RAB11FIP3: variants seen among roughly 807,000 people sequenced by gnomAD.
RAB11FIP3 encodes RAB11 family interacting protein 3, also known as rab11 family-interacting protein 3.
Under a neutral mutation model 77.8 loss-of-function variants are expected in RAB11FIP3, and 17 were observed. The observed-to-expected ratio is 0.22, with a 90% CI of 0.15 to 0.33. The LOEUF (loss-of-function observed/expected upper bound fraction) is 0.33. RAB11FIP3 is among the 10% of genes least tolerant of loss of function. The pLI, the probability that RAB11FIP3 is intolerant of heterozygous loss-of-function variation, is 1.00. For missense variants in RAB11FIP3, 1,005 were observed against 1,011.2 expected (o/e 0.99, Z 0.08); for synonymous variants, 437 against 448.2 (o/e 0.98, Z 0.31).
At chr16:458,958 A>G (rs532232285) in intron 1 of RAB11FIP3, among the ~76,000 whole-genome samples, 141 of 152,306 alleles carry the variant, frequency 9.3e-4, no homozygotes, top group African/African-American at 3.3e-3. Context: ...ACGTGCAGGC[A>G]TGCCTCTGGT....
At chr16:436,241 G>T (rs973993805) in intron 1 of RAB11FIP3, among the ~76,000 whole-genome samples, 32 of 152,118 alleles carry the variant, frequency 2.1e-4, no homozygotes, top group African/African-American at 7.7e-4. Flanking sequence ...TCCGAGAGGC[G>T]GAGGTTACAG....
rs968936649 is a variant in RAB11FIP3, at chr16:477,145, T to C, written c.904-5380T>C. Among the ~76,000 whole-genome samples, 11 of 150,794 alleles carry C rather than the reference T, an allele frequency of 7.3e-5. No individual in the cohort carries two copies. In the East Asian group the frequency reaches 2.0e-3, roughly 27 times the overall value. The stretch of plus-strand genomic sequence containing the variant: ...GGCAGGCGCCTGTAATCCCTGCTAC[T>C]TGGGAGGCTGAGGCAGGAGAATCGC... On this transcript the variant is annotated intron_variant, in intron 3 of 13. Coordinates refer to ENST00000262305, the MANE Select transcript of RAB11FIP3 (RefSeq NM_014700.4).
chr16:510,514 G>A (rs2032090883), intron 8 of RAB11FIP3, 146 bp from the exon 9 acceptor site: 2 of 939,778 alleles, frequency 2.1e-6, no homozygotes, highest in Non-Finnish European at 3.1e-6. Flanking sequence ...GAACTGCCTT[G>A]ACCAGAGCTC....
intron 4 of RAB11FIP3, among the ~76,000 whole-genome samples, chr16:488,225 A>G (rs545829169): frequency 3.7e-4 from 56 of 152,112 alleles, no homozygotes; most frequent in South Asian, 1.2e-3. Flanking sequence ...CTAAAAATAC[A>G]AAAAATTAGC....
In RAB11FIP3 at chr16:521,361, C is replaced by A; in HGVS notation, c.*522C>A. The A allele has an allele frequency of 6.4e-6, 1 of 157,044 alleles. No homozygotes were observed. The highest frequency in any genetic ancestry group is 1.4e-5 in the Non-Finnish European group (1 of 70,708). 9.7% of individuals were successfully genotyped at this position (157,044 alleles called of 1,614,324 possible). A position where few individuals can be genotyped will look rare whatever the true frequency, so the allele number is the denominator to read the frequency against. ...TGGTGCCGTGTCACCCATGTTGAGC[C>A]GCTCCTGATGGCTGACGGGCTCCCA... On this transcript the variant is annotated 3_prime_UTR_variant, in exon 14 of 14. Transcript: ENST00000262305.
chr16:511,016 C>T (rs1474523261), intron 9 of RAB11FIP3, among the ~76,000 whole-genome samples: 1 of 145,498 alleles, frequency 6.9e-6, no homozygotes, highest in East Asian at 2.1e-4. Flanking sequence ...CCCGAAAGTC[C>T]GCCAACCCCA....
intron 2 of RAB11FIP3, among the ~76,000 whole-genome samples, chr16:465,663 G>T (rs1408057678): frequency 2.0e-5 from 3 of 152,164 alleles, no homozygotes; most frequent in Non-Finnish European, 2.9e-5. Context: ...AGGCTAGAGT[G>T]CAGTGGTGTG....
At chr16:493,887 A>G (rs1273613204) in intron 5 of RAB11FIP3, among the ~76,000 whole-genome samples, 3 of 130,274 alleles carry the variant, frequency 2.3e-5, no homozygotes, top group Non-Finnish European at 3.2e-5. Context: ...CACTGCACCC[A>G]GCCTGCCTGG....
chr16:488,019 A>G (rs866506398), intron 4 of RAB11FIP3, among the ~76,000 whole-genome samples: 1 of 151,028 alleles, frequency 6.6e-6, no homozygotes, highest in Non-Finnish European at 1.5e-5. Flanking sequence ...AGGGCACACG[A>G]GTGAGGAGTG....
intron 5 of RAB11FIP3, chr16:489,216 C>T: frequency 1.6e-6 from 1 of 617,736 alleles, no homozygotes. Flanking sequence ...GATCACTCTA[C>T]ATTTCTGAGG....
intron 1 of RAB11FIP3, among the ~76,000 whole-genome samples, chr16:437,604 A>G (rs1415049937): frequency 6.7e-6 from 1 of 150,028 alleles, no homozygotes; most frequent in African/African-American, 2.4e-5. Context: ...TCAGATGGAT[A>G]TTGAATCTCC....
At chr16:490,606 G>A (rs763749619) in intron 5 of RAB11FIP3, among the ~76,000 whole-genome samples, 1 of 152,192 alleles carries the variant, frequency 6.6e-6, no homozygotes, top group African/African-American at 2.4e-5. Flanking sequence ...TTAGAAGCAG[G>A]AGCCACCATG....
Position 426,258 on chromosome 16 carries a change from C to T in RAB11FIP3, c.252C>T (p.Asp84=), listed in dbSNP as rs1005357158. 2.6e-6 allele frequency: 3 copies of T among 1,163,700 alleles called. No individual in the cohort carries two copies. Among genetic ancestry groups the T allele is most frequent in the Middle Eastern group, 3.5e-4 (1 of 2,848 alleles). 72.1% of individuals were successfully genotyped at this position (1,163,700 alleles called of 1,614,324 possible). The change falls in exon 1 of 14, where the codon GAC becomes GAT. Residue 84 remains aspartate (D), a synonymous_variant. Coordinates refer to ENST00000262305, the MANE Select transcript of RAB11FIP3 (RefSeq NM_014700.4). The surrounding 1 kb of genome is among the most constrained non-coding windows in gnomAD (Gnocchi z 5.0). ...CGGGGCTGGAGGGAGGCCCGCGAGA[C>T]CCCGGGCCGTCCGCCCCGCCGCCGC... ...PAPGLEGGPR[D]PGPSAPPPRS...
intron 1 of RAB11FIP3, among the ~76,000 whole-genome samples, chr16:428,362 C>A (rs951827519): frequency 2.0e-5 from 3 of 152,122 alleles, no homozygotes; most frequent in Non-Finnish European, 4.4e-5. Context: ...TTCCTTCTTG[C>A]CCCTGGGCTG....
chr16:450,603 C>A (rs1418815569), intron 1 of RAB11FIP3, among the ~76,000 whole-genome samples: 1 of 152,180 alleles, frequency 6.6e-6, no homozygotes, highest in East Asian at 1.9e-4. Flanking sequence ...ACTGCAGCGG[C>A]TAGCAGGGCT....
At chr16:478,936 G>A (rs975572144) in intron 3 of RAB11FIP3, among the ~76,000 whole-genome samples, 1 of 152,212 alleles carries the variant, frequency 6.6e-6, no homozygotes, top group African/African-American at 2.4e-5. Context: ...CTGCACTCCA[G>A]CCTGGGTGAC....
At position 506,165 on chromosome 16, in the gene RAB11FIP3, T is replaced by G. The variant is rs567260761; in HGVS notation, c.1499+538T>G. ...TGACGCCGTGTTTGCAGAGAAAGAG[T>G]GGGAGCTGCTTGCCTCACTCTGGTT... On this transcript the variant is annotated intron_variant, in intron 8 of 13. Transcript: ENST00000262305. This position sits in a 1 kb window ranked among gnomAD's most constrained non-coding sequence, Gnocchi z 4.5. Among the ~76,000 whole-genome samples, 1 of 150,940 alleles carries G rather than the reference T, an allele frequency of 6.6e-6. No individual in the cohort carries two copies. The highest frequency in any genetic ancestry group is 2.1e-4 in the South Asian group (1 of 4,762).
At position 506,247 on chromosome 16, in the gene RAB11FIP3, C is replaced by T. The variant is rs1329033574; in HGVS notation, c.1499+620C>T. 1.3e-5 allele frequency among the ~76,000 whole-genome samples: 2 copies of T among 150,012 alleles called. No individual in the cohort carries two copies. The stretch of plus-strand genomic sequence containing the variant: ...TCGGTGTTTTTCACACGAGGCACGC[C>T]ATGTTGTCTCATAGCCGATTTGCAG... On this transcript the variant is annotated intron_variant, in intron 8 of 13. Transcript: ENST00000262305. The surrounding 1 kb of genome is among the most constrained non-coding windows in gnomAD (Gnocchi z 4.5).
At chr16:497,149 C>G in intron 6 of RAB11FIP3, 1 of 713,090 alleles carries the variant, frequency 1.4e-6, no homozygotes. Context: ...CCCCAGATGT[C>G]TGCTCTATGT....
Sources: allele counts gnomAD v4.1 joint callset (sites outside exome capture counted in the v4.1 genomes callset), GRCh38; gene constraint gnomAD v4.1.1; non-coding constraint Gnocchi (gnomAD v3.1); transcripts MANE v1.5; gene names NCBI Gene and HGNC (gene_info 2026-07-23, HGNC 2026-07-21).